GRIK2: variants seen among roughly 807,000 people sequenced by gnomAD.
GRIK2 encodes the protein glutamate receptor ionotropic, kainate 2.
Under a neutral mutation model 100.3 loss-of-function variants are expected in GRIK2, and 32 were observed. The ratio of observed to expected loss-of-function variants is 0.32; its 90% confidence interval spans 0.24 to 0.43. GRIK2 has a LOEUF of 0.43. Ranked by LOEUF, GRIK2 falls within the 20% of genes least tolerant of loss-of-function variation. The pLI, the probability that GRIK2 is intolerant of heterozygous loss-of-function variation, is 1.00. For synonymous variants in GRIK2, 417 were observed against 389.4 expected, an observed-to-expected ratio of 1.07 and a Z score of -0.83; for missense variants, 843 against 1,114.9, an observed-to-expected ratio of 0.76 and a Z score of 3.47.
At chr6:101,480,396 A>G (rs1238220725) in intron 2 of GRIK2, among the ~76,000 whole-genome samples, 1 of 151,932 alleles carries the variant, frequency 6.6e-6, no homozygotes, top group Admixed American at 6.6e-5. Flanking sequence ...ATAGCATTCC[A>G]TTGGCTTCTC....
intron 14 of GRIK2, among the ~76,000 whole-genome samples, chr6:101,998,227 T>A (rs1794749956): frequency 6.6e-6 from 1 of 152,120 alleles, no homozygotes; most frequent in Admixed American, 6.6e-5. Context: ...AATTTAAAAC[T>A]TATGAATTGT....
At chr6:101,822,253 C>T (rs1782005618) in intron 10 of GRIK2, among the ~76,000 whole-genome samples, 1 of 147,962 alleles carries the variant, frequency 6.8e-6, no homozygotes, top group African/African-American at 2.5e-5. Flanking sequence ...CAAACACATA[C>T]AACTTATAAT....
intron 12 of GRIK2, among the ~76,000 whole-genome samples, chr6:101,922,588 G>A (rs1320869201): frequency 1.3e-5 from 2 of 152,166 alleles, no homozygotes; most frequent in African/African-American, 4.8e-5. Context: ...TTGTGTCAAA[G>A]TATTGAATAT....
intron 7 of GRIK2, among the ~76,000 whole-genome samples, chr6:101,748,130 A>T (rs1301438075): frequency 6.6e-6 from 1 of 152,204 alleles, no homozygotes; most frequent in Non-Finnish European, 1.5e-5. Context: ...TTATAACATG[A>T]TGTTAAAAAT....
At chr6:101,853,338 C>T (rs1784246647) in intron 10 of GRIK2, among the ~76,000 whole-genome samples, 2 of 152,044 alleles carry the variant, frequency 1.3e-5, no homozygotes, top group South Asian at 4.1e-4. Context: ...TGAAAAAATG[C>T]TTAACATCAT....
chr6:101,424,833 T>C (rs1007823421), intron 2 of GRIK2, among the ~76,000 whole-genome samples: 13 of 151,852 alleles, frequency 8.6e-5, no homozygotes, highest in African/African-American at 3.1e-4. Flanking sequence ...TTTTTGTCCT[T>C]GCGATAGTTT....
intron 11 of GRIK2, among the ~76,000 whole-genome samples, chr6:101,873,166 T>C (rs1414498660): frequency 6.6e-6 from 1 of 152,088 alleles, no homozygotes; most frequent in African/African-American, 2.4e-5. Context: ...TATACATGTA[T>C]ACATGTGCCA....
At chr6:102,020,033 A>T (rs1562116675) in intron 14 of GRIK2, among the ~76,000 whole-genome samples, 1 of 151,978 alleles carries the variant, frequency 6.6e-6, no homozygotes. Flanking sequence ...ATGTTTAGTT[A>T]AAAAAGTCCT....
At chr6:101,875,375 A>G (rs1785752878) in intron 11 of GRIK2, among the ~76,000 whole-genome samples, 1 of 150,880 alleles carries the variant, frequency 6.6e-6, no homozygotes, top group Non-Finnish European at 1.5e-5. Context: ...TTAGAATCGG[A>G]GCATCCTTTC....
intron 2 of GRIK2, among the ~76,000 whole-genome samples, chr6:101,534,815 T>C (rs1235613133): frequency 6.6e-6 from 1 of 151,792 alleles, no homozygotes; most frequent in East Asian, 1.9e-4. Context: ...GAATAAAAGT[T>C]CACCATCATA....
chr6:101,916,325 A>G (rs1301861167), intron 12 of GRIK2, among the ~76,000 whole-genome samples: 1 of 151,428 alleles, frequency 6.6e-6, no homozygotes, highest in Admixed American at 6.6e-5. Context: ...GTATTCTGAT[A>G]ATATCACAGA....
At chr6:101,399,849 G>A (rs192684181) in intron 2 of GRIK2, among the ~76,000 whole-genome samples, 250 of 152,314 alleles carry the variant, frequency 1.6e-3, no homozygotes, top group African/African-American at 5.4e-3. Context: ...CAGTGACCAG[G>A]GCAGTTCTCA....
rs529910034 is a variant in GRIK2, at chr6:101,590,150, TATA to T, written c.116-31795_116-31793del. 2.1e-3 allele frequency among the ~76,000 whole-genome samples: 323 copies of T among 152,240 alleles called. 3 individuals are homozygous for T. Among genetic ancestry groups the T allele is most frequent in the Non-Finnish European group, 2.0e-3 (139 of 67,990 alleles). On this transcript the variant is annotated intron_variant, in intron 2 of 16. Transcript: ENST00000369134. Reference sequence around the variant, plus strand: ...TTTTCCTCAATTTGTTATTGTTGTTTATAATATCATTTACCAAAGTTAATTCTG... The same window carrying T: ...TTTTCCTCAATTTGTTATTGTTGTTTATATCATTTACCAAAGTTAATTCTG...
At chr6:101,775,037 A>T (rs920559091) in intron 7 of GRIK2, among the ~76,000 whole-genome samples, 1 of 152,154 alleles carries the variant, frequency 6.6e-6, no homozygotes, top group African/African-American at 2.4e-5. Flanking sequence ...ACTGTTTATA[A>T]AATTATCTTG....
chr6:101,469,436 C>T (rs906477581), intron 2 of GRIK2, among the ~76,000 whole-genome samples: 2 of 151,998 alleles, frequency 1.3e-5, no homozygotes, highest in Admixed American at 1.3e-4. Flanking sequence ...CCACTGGGCC[C>T]GTTTAAATTA....
chr6:101,981,164 C>A (rs1582660938), intron 14 of GRIK2, among the ~76,000 whole-genome samples: 1 of 151,846 alleles, frequency 6.6e-6, no homozygotes, highest in African/African-American at 2.4e-5. Context: ...ATGACATCAT[C>A]CCACTCACTC....
At chr6:101,937,631 A>G (rs1219935359) in intron 14 of GRIK2, among the ~76,000 whole-genome samples, 3 of 152,176 alleles carry the variant, frequency 2.0e-5, no homozygotes, top group Non-Finnish European at 2.9e-5. Flanking sequence ...CATTTCTTCT[A>G]TATAAATTGC....
At chr6:101,813,396 C>T (rs1466023503) in intron 9 of GRIK2, among the ~76,000 whole-genome samples, 1 of 151,984 alleles carries the variant, frequency 6.6e-6, no homozygotes, top group Non-Finnish European at 1.5e-5. Flanking sequence ...AGCAAAAATA[C>T]CTTTAAGTCT....
At chr6:101,689,420 A>G (rs1306857411) in intron 7 of GRIK2, among the ~76,000 whole-genome samples, 1 of 152,142 alleles carries the variant, frequency 6.6e-6, no homozygotes, top group Non-Finnish European at 1.5e-5. Flanking sequence ...TTTGAGCTAT[A>G]AAAGGAAACA....
Sources: gnomAD v4.1 joint callset for allele counts (sites outside exome capture counted in the v4.1 genomes callset) on GRCh38, gnomAD v4.1.1 for gene constraint, MANE v1.5 for transcripts, NCBI Gene and HGNC (gene_info 2026-07-23, HGNC 2026-07-21) for gene names.